Variants in EFL1 observed in about 807,000 individuals in gnomAD.
EFL1 encodes the protein elongation factor-like GTPase 1.
In EFL1, 76 loss-of-function variants were observed where a neutral mutation model predicts 126.7. That is an observed-to-expected ratio of 0.60 (90% confidence interval 0.50 to 0.73). EFL1 has a LOEUF of 0.73. Among genes scored for constraint, EFL1 ranks in the 30% least tolerant of loss-of-function variants. The probability of loss-of-function intolerance (pLI) is 0.00; values close to 1 mark genes in which losing one functional copy is unlikely to be tolerated. For synonymous variants in EFL1, 410 were observed against 448.4 expected (o/e 0.91, Z 1.08); for missense variants, 1,128 against 1,343.2 (o/e 0.84, Z 2.50).
intron 15 of EFL1, among the ~76,000 whole-genome samples, chr15:82,213,992 T>TA (rs1031034135): frequency 6.6e-6 from 1 of 152,190 alleles, no homozygotes; most frequent in African/African-American, 2.4e-5. Context: ...AGGCCTTTTT[T>TA]AAAAAAGTTA....
At chr15:82,136,924 G>A (rs918771641) in intron 19 of EFL1, among the ~76,000 whole-genome samples, 2 of 151,960 alleles carry the variant, frequency 1.3e-5, no homozygotes, top group African/African-American at 4.8e-5. Context: ...AAGATTCATA[G>A]TAAATTACTG....
At chr15:82,249,851 C>T (rs1318569490) in intron 4 of EFL1, among the ~76,000 whole-genome samples, 1 of 152,076 alleles carries the variant, frequency 6.6e-6, no homozygotes, top group Non-Finnish European at 1.5e-5. Context: ...GTTTTCAACA[C>T]CACTTCTATA....
Position 82,230,896 on chromosome 15 carries a change from T to TCC in EFL1, c.805_806dup (p.Asp270GlufsTer5). On this transcript the variant is annotated frameshift_variant, in exon 8 of 20. Transcript: ENST00000268206. LOFTEE classifies it high-confidence loss of function. ...TAGCCTTCATATTTATATAGTAATC[T>TCC]CCCCACAAGGTTTTCATAAGAACTT... 3 of 1,613,378 alleles carry TCC rather than the reference T, an allele frequency of 1.9e-6. No homozygotes were observed. The highest frequency in any genetic ancestry group is 2.5e-6 in the Non-Finnish European group (3 of 1,179,600).
chr15:82,232,025 C>A (rs772434135), intron 7 of EFL1, among the ~76,000 whole-genome samples: 79 of 152,324 alleles, frequency 5.2e-4, no homozygotes, highest in Non-Finnish European at 9.6e-4. Flanking sequence ...TGTGGCTTTT[C>A]ATTTATAAAT....
chr15:82,201,697 G>C lies in EFL1; in HGVS notation c.1750+13020C>G, dbSNP rs2074469685. 1.6e-4 allele frequency among the ~76,000 whole-genome samples: 8 copies of C among 50,388 alleles called. No homozygotes were observed. In the South Asian group the frequency reaches 4.4e-3, roughly 28 times the overall value. The allele number at this position is 50,388 out of a possible 152,430, so 33.1% of individuals were successfully genotyped here. On this transcript the variant is annotated intron_variant, in intron 15 of 19. Coordinates refer to ENST00000268206, the MANE Select transcript of EFL1 (RefSeq NM_024580.6). The stretch of plus-strand genomic sequence containing the variant: ...CCATTTTTATAGTTAATAACTTCTT[G>C]CAAAAAAAAAAAAAAAAAAAAAGAA...
chr15:82,196,785 G>A (rs1259166253), intron 15 of EFL1, among the ~76,000 whole-genome samples: 7 of 152,208 alleles, frequency 4.6e-5, no homozygotes, highest in Middle Eastern at 3.2e-3. Context: ...TGTAATCCCA[G>A]CACTTTGGGA....
intron 15 of EFL1, among the ~76,000 whole-genome samples, chr15:82,199,329 G>A (rs759325593): frequency 4.0e-4 from 58 of 146,796 alleles, no homozygotes; most frequent in Non-Finnish European, 8.1e-4. Context: ...GAGAGAGAGA[G>A]AAAGAGAGAG....
intron 11 of EFL1, among the ~76,000 whole-genome samples, chr15:82,227,091 G>C (rs1360310978): frequency 6.6e-6 from 1 of 152,170 alleles, no homozygotes; most frequent in Non-Finnish European, 1.5e-5. Context: ...TTTGGGGGCA[G>C]GGTTACAAAA....
chr15:82,219,878 G>A, intron 13 of EFL1, 60 bp from the exon 14 acceptor site: 1 of 1,547,800 alleles, frequency 6.5e-7, no homozygotes, highest in Admixed American at 2.1e-5. Flanking sequence ...AGAACTGTCT[G>A]AAATATAGAA....
intron 15 of EFL1, among the ~76,000 whole-genome samples, chr15:82,166,021 C>A (rs995089323): frequency 2.9e-4 from 44 of 152,166 alleles, no homozygotes; most frequent in African/African-American, 1.1e-3. Context: ...TATGATGTAA[C>A]AGATCTAGGT....
intron 15 of EFL1, among the ~76,000 whole-genome samples, chr15:82,196,829 C>T (rs1330099142): frequency 3.3e-5 from 5 of 152,102 alleles, no homozygotes; most frequent in South Asian, 2.1e-4. Flanking sequence ...GTCAGGAGTT[C>T]GAGACCAGCC....
intron 15 of EFL1, among the ~76,000 whole-genome samples, chr15:82,180,447 C>T (rs569975208): frequency 1.3e-5 from 2 of 150,570 alleles, no homozygotes; most frequent in African/African-American, 4.9e-5. Flanking sequence ...TGAAACACTG[C>T]CTCAAACAGG....
intron 15 of EFL1, among the ~76,000 whole-genome samples, chr15:82,194,030 T>A (rs1344854050): frequency 6.6e-6 from 1 of 152,182 alleles, no homozygotes; most frequent in Non-Finnish European, 1.5e-5. Context: ...TACTTAGCAG[T>A]AGTGTAATCT....
intron 15 of EFL1, among the ~76,000 whole-genome samples, chr15:82,170,642 T>C (rs1595957599): frequency 1.3e-5 from 2 of 152,318 alleles, no homozygotes; most frequent in Admixed American, 1.3e-4. Context: ...AGAGTAGCAG[T>C]GGTTTTATTC....
intron 15 of EFL1, among the ~76,000 whole-genome samples, chr15:82,209,241 T>C (rs1271349494): frequency 6.6e-6 from 1 of 151,820 alleles, no homozygotes; most frequent in Non-Finnish European, 1.5e-5. Flanking sequence ...TTAAATCAAA[T>C]TTGCTAGTAA....
chr15:82,164,981 GA>G (rs1370103770), intron 15 of EFL1, among the ~76,000 whole-genome samples: 1 of 150,800 alleles, frequency 6.6e-6, no homozygotes, highest in Non-Finnish European at 1.5e-5. Context: ...AACAAATTAA[GA>G]AACACATACA....
intron 15 of EFL1, among the ~76,000 whole-genome samples, chr15:82,167,244 G>C (rs57598148): frequency 0.067 from 10,210 of 152,156 alleles, 505 homozygotes; most frequent in African/African-American, 0.13. Context: ...TCTGATTGAA[G>C]ATAAGTGATC....
intron 15 of EFL1, among the ~76,000 whole-genome samples, chr15:82,188,730 CACTT>C (rs1380229396): frequency 1.3e-5 from 2 of 152,078 alleles, no homozygotes; most frequent in African/African-American, 4.8e-5. Context: ...ACTATATAAA[CACTT>C]AGTTGGCTTA....
At chr15:82,175,046 T>C (rs1450797167) in intron 15 of EFL1, among the ~76,000 whole-genome samples, 2 of 152,242 alleles carry the variant, frequency 1.3e-5, no homozygotes, top group Non-Finnish European at 2.9e-5. Context: ...TATAAACTTA[T>C]GCTGTGCACC....
Sources: allele counts gnomAD v4.1 joint callset (sites outside exome capture counted in the v4.1 genomes callset), GRCh38; gene constraint gnomAD v4.1.1; transcripts MANE v1.5; gene names NCBI Gene and HGNC (gene_info 2026-07-23, HGNC 2026-07-21).